The following MAPK8 variants were observed in gnomAD, a reference collection of about 807,000 sequenced individuals.
MAPK8 encodes the protein JUN N-terminal kinase.
A neutral mutation model predicts 52.9 loss-of-function variants in MAPK8; 13 were observed. The ratio of observed to expected loss-of-function variants is 0.25; its 90% CI spans 0.16 to 0.39. MAPK8 has a LOEUF of 0.39. MAPK8 is among the 10% of genes least tolerant of loss of function. The pLI is 1.00. For synonymous variants in MAPK8, 191 were observed against 169.8 expected, an observed-to-expected ratio of 1.12 and a Z score of -0.97; for missense variants, 300 against 519.2, an observed-to-expected ratio of 0.58 and a Z score of 4.10.
chr10:48,425,262 A>T (rs1016717836), intron 7 of MAPK8: 1 of 719,492 alleles, frequency 1.4e-6, no homozygotes, highest in South Asian at 1.5e-5. Context: ...GAGTGTAAAG[A>T]CTAGAGGAAA....
intron 3 of MAPK8, among the ~76,000 whole-genome samples, chr10:48,407,886 T>G (rs2042553492): frequency 6.6e-6 from 1 of 152,194 alleles, no homozygotes; most frequent in African/African-American, 2.4e-5. Context: ...CAGATATTAA[T>G]GAGAATAGAT....
chr10:48,431,665 C>T (rs1032900153), intron 11 of MAPK8, among the ~76,000 whole-genome samples: 1 of 152,156 alleles, frequency 6.6e-6, no homozygotes, highest in Non-Finnish European at 1.5e-5. Flanking sequence ...CTGTCTTTCT[C>T]TTTTTGATAT....
intron 1 of MAPK8, among the ~76,000 whole-genome samples, chr10:48,372,869 CAGGAAAATACGG>C (rs1002031367): frequency 2.6e-5 from 4 of 152,010 alleles, no homozygotes; most frequent in African/African-American, 9.7e-5. Context: ...CATTCAAATT[CAGGAAAATACGG>C]AGAACACCAC....
At position 48,312,810 on chromosome 10, in the gene MAPK8, C is replaced by A. The variant is rs528013187; in HGVS notation, c.-50+5989C>A. On this transcript the variant is annotated intron_variant, in intron 1 of 11. Transcript: ENST00000374189. ...AAGTCTTAATGTTTTAATTTGTTTA[C>A]ATTTTATATTTTGACTAAGTAGTAA... Among the ~76,000 whole-genome samples, 34 of 152,296 alleles carry A rather than the reference C, an allele frequency of 2.2e-4. No homozygotes were observed. The South Asian group carries it at 6.4e-3, about 29-fold the overall frequency.
chr10:48,365,413 A>T (rs1847940880), intron 1 of MAPK8, among the ~76,000 whole-genome samples: 1 of 152,188 alleles, frequency 6.6e-6, no homozygotes. Context: ...GATATCTAAG[A>T]TAAATATCCT....
chr10:48,431,160 T>C (rs370849801), intron 10 of MAPK8, 33 bp from the exon 11 acceptor site: 17 of 1,455,404 alleles, frequency 1.2e-5, no homozygotes, highest in Non-Finnish European at 1.6e-5. Flanking sequence ...TCTTAGACTT[T>C]GAAAAGTTCA....
chr10:48,336,272 C>T (rs576796198), intron 1 of MAPK8, among the ~76,000 whole-genome samples: 1 of 152,036 alleles, frequency 6.6e-6, no homozygotes, highest in East Asian at 1.9e-4. Context: ...CACTCAAAAG[C>T]TAAGAAACAA....
chr10:48,356,219 T>C (rs1040389229), intron 1 of MAPK8, among the ~76,000 whole-genome samples: 1 of 152,178 alleles, frequency 6.6e-6, no homozygotes, highest in African/African-American at 2.4e-5. Flanking sequence ...TATATGTCAA[T>C]GATAGCACGT....
chr10:48,360,121 C>T (rs752929976), intron 1 of MAPK8, among the ~76,000 whole-genome samples: 10 of 151,842 alleles, frequency 6.6e-5, no homozygotes, highest in Non-Finnish European at 1.3e-4. Context: ...GAGCCGAGAT[C>T]GTGTCACTGC....
chr10:48,355,032 C>T (rs1361515259), intron 1 of MAPK8, among the ~76,000 whole-genome samples: 1 of 152,182 alleles, frequency 6.6e-6, no homozygotes, highest in East Asian at 1.9e-4. Flanking sequence ...CAGGACTCAA[C>T]AGCAGACCTG....
intron 1 of MAPK8, among the ~76,000 whole-genome samples, chr10:48,400,576 G>A (rs2042109766): frequency 6.6e-6 from 1 of 152,164 alleles, no homozygotes; most frequent in Non-Finnish European, 1.5e-5. Context: ...TTCTTACCTA[G>A]TTTGTGATCT....
intron 1 of MAPK8, among the ~76,000 whole-genome samples, chr10:48,350,815 G>C (rs1589033344): frequency 6.6e-6 from 1 of 152,308 alleles, no homozygotes; most frequent in East Asian, 1.9e-4. Context: ...TAGGAAGATA[G>C]GAAGTCAAAT....
intron 5 of MAPK8, among the ~76,000 whole-genome samples, chr10:48,415,007 G>A (rs2042986806): frequency 1.3e-5 from 2 of 152,040 alleles, no homozygotes; most frequent in Admixed American, 6.6e-5. Flanking sequence ...AGACAATTAT[G>A]TCTTAGGGCT....
chr10:48,432,486 C>T (rs1029140566), intron 11 of MAPK8, among the ~76,000 whole-genome samples: 2 of 151,990 alleles, frequency 1.3e-5, no homozygotes, highest in South Asian at 4.2e-4. Flanking sequence ...TTGGAAATGG[C>T]CTTTTCTCTA....
intron 1 of MAPK8, among the ~76,000 whole-genome samples, chr10:48,353,445 C>T (rs1218111199): frequency 6.6e-6 from 1 of 152,116 alleles, no homozygotes; most frequent in Non-Finnish European, 1.5e-5. Flanking sequence ...CAAGTAAAGC[C>T]AATTGATTTT....
intron 1 of MAPK8, among the ~76,000 whole-genome samples, chr10:48,358,954 T>C (rs1024766049): frequency 6.6e-5 from 10 of 152,222 alleles, no homozygotes; most frequent in African/African-American, 1.7e-4. Context: ...TTCTATTCCA[T>C]TGATCTGCAT....
In MAPK8 at chr10:48,415,197, C is replaced by G. The variant is rs574163665; in HGVS notation, c.451-4958C>G. 5.0e-4 allele frequency among the ~76,000 whole-genome samples: 76 copies of G among 152,226 alleles called. No individual in the cohort carries two copies. In the South Asian group the frequency reaches 7.9e-3, roughly 16 times the overall value. On this transcript the variant is annotated intron_variant, in intron 5 of 11. Coordinates refer to ENST00000374189, the MANE Select transcript of MAPK8 (RefSeq NM_001323329.2). ...AGTATTTTATCTTCCTGAGCCCCTA[C>G]TCATACAGTATGTGAAGTAGAGCAG...
At position 48,410,078 on chromosome 10, in the gene MAPK8, G is replaced by A; in HGVS notation, c.360G>A (p.Gln120=). ...ATGCAAATCTTTGCCAAGTGATTCA[G>A]ATGGAGCTAGATCATGAAAGAATGT... ...LMDANLCQVI[Q]MELDHERMSY... Residue 120 remains glutamine (Q), a synonymous_variant, in exon 5 of 12, where the codon CAG becomes CAA. Coordinates refer to ENST00000374189, the MANE Select transcript of MAPK8 (RefSeq NM_001323329.2). 6.2e-7 allele frequency: 1 copy of A among 1,601,118 alleles called. No individual in the cohort carries two copies. The highest frequency in any genetic ancestry group is 1.1e-5 in the South Asian group (1 of 87,954).
intron 1 of MAPK8, among the ~76,000 whole-genome samples, chr10:48,375,594 C>T (rs1026523922): frequency 2.0e-5 from 3 of 152,132 alleles, no homozygotes; most frequent in Non-Finnish European, 4.4e-5. Flanking sequence ...ACATCAATAA[C>T]AGACAGACAG....
Sources: allele counts gnomAD v4.1 joint callset (sites outside exome capture counted in the v4.1 genomes callset), GRCh38; gene constraint gnomAD v4.1.1; transcripts MANE v1.5; gene names NCBI Gene and HGNC (gene_info 2026-07-23, HGNC 2026-07-21).